MCF2L2: variants seen among roughly 807,000 people sequenced by gnomAD.
MCF2L2 encodes probable guanine nucleotide exchange factor MCF2L2.
MCF2L2 carries 102 observed loss-of-function variants against 150.2 expected under a neutral mutation model. That is an observed-to-expected ratio of 0.68 (90% CI 0.58 to 0.80). The LOEUF is 0.80. Ranked by LOEUF, MCF2L2 falls within the 30% of genes least tolerant of loss-of-function variation. The pLI is 0.00. For synonymous variants in MCF2L2, 465 were observed against 491.3 expected (o/e 0.95, Z 0.71); for missense variants, 1,256 against 1,372.8 (o/e 0.91, Z 1.34).
intron 6 of MCF2L2, 87 bp from the exon 7 acceptor site, chr3:183,318,304 T>G: frequency 6.9e-7 from 1 of 1,444,778 alleles, no homozygotes; most frequent in Non-Finnish European, 9.7e-7. Context: ...ATTTAGTTGA[T>G]AAAATTAGTG....
chr3:183,370,446 C>A (rs1712803023), intron 3 of MCF2L2, among the ~76,000 whole-genome samples: 1 of 152,244 alleles, frequency 6.6e-6, no homozygotes, highest in Non-Finnish European at 1.5e-5. Flanking sequence ...CCACTAAGAC[C>A]AAATTCCAGA....
intron 13 of MCF2L2, among the ~76,000 whole-genome samples, chr3:183,289,797 G>A (rs1160983876): frequency 3.3e-5 from 5 of 152,076 alleles, no homozygotes; most frequent in African/African-American, 9.7e-5. Context: ...CGGAGGTTGC[G>A]GTGAGCTGAG....
chr3:183,291,117 C>G (rs1042853177), intron 13 of MCF2L2, among the ~76,000 whole-genome samples: 144 of 152,304 alleles, frequency 9.5e-4, no homozygotes, highest in African/African-American at 3.3e-3. Context: ...TTGGGCTCCT[C>G]CCTCTCTGTG....
At chr3:183,202,945 A>G (rs1722342457) in intron 25 of MCF2L2, among the ~76,000 whole-genome samples, 1 of 152,380 alleles carries the variant, frequency 6.6e-6, no homozygotes, top group South Asian at 2.1e-4. Context: ...GCAGTGGCTC[A>G]TGCCTGTAAT....
intron 15 of MCF2L2, among the ~76,000 whole-genome samples, chr3:183,275,919 C>G (rs1003383758): frequency 2.0e-5 from 3 of 151,942 alleles, no homozygotes; most frequent in African/African-American, 4.9e-5. Context: ...AGCCACCACA[C>G]CTGGCCTGTT....
Position 183,257,958 on chromosome 3 carries a change from C to CTTTTTT in MCF2L2, c.1862+18908_1862+18913dup, listed in dbSNP as rs35323502. On this transcript the variant is annotated intron_variant, in intron 15 of 29. Coordinates refer to ENST00000328913, the MANE Select transcript of MCF2L2 (RefSeq NM_015078.4). The stretch of plus-strand genomic sequence containing the variant: ...TATTCCTTGCTCCCTCCACTTCACC[C>CTTTTTT]TTTTTTTTTTTTTTTTTTTTTTTTT... Among the ~76,000 whole-genome samples the CTTTTTT allele has an allele frequency of 4.2e-3, 272 of 64,742 alleles. 50 individuals carry two copies. The highest frequency in any genetic ancestry group is 0.016 in the African/African-American group (232 of 14,400). The allele number at this position is 64,742 out of a possible 152,430, so 42.5% of individuals were successfully genotyped here.
chr3:183,217,294 CAAAAAAAA>C (rs35973262), intron 21 of MCF2L2, among the ~76,000 whole-genome samples: 1 of 15,182 alleles, frequency 6.6e-5, no homozygotes, highest in Non-Finnish European at 1.2e-4. Context: ...AACCCCGTCT[CAAAAAAAA>C]AAAAAAAAAA....
chr3:183,213,825 C>T (rs1722820068), intron 22 of MCF2L2, among the ~76,000 whole-genome samples: 1 of 152,136 alleles, frequency 6.6e-6, no homozygotes, highest in African/African-American at 2.4e-5. Context: ...ATCTACTCCT[C>T]CATAATTCAA....
chr3:183,311,881 A>G (rs967433834), intron 7 of MCF2L2, 109 bp from the exon 8 acceptor site: 1 of 951,428 alleles, frequency 1.1e-6, no homozygotes, highest in African/African-American at 1.7e-5. Context: ...TAGGAAATTA[A>G]ATGCTGATGA....
intron 15 of MCF2L2, among the ~76,000 whole-genome samples, chr3:183,275,365 A>G (rs1294069523): frequency 6.6e-6 from 1 of 152,228 alleles, no homozygotes; most frequent in Admixed American, 6.5e-5. Context: ...GAATAAGGAA[A>G]TACAGATTAA....
intron 1 of MCF2L2, among the ~76,000 whole-genome samples, chr3:183,403,582 C>T (rs1477401033): frequency 6.6e-6 from 1 of 152,160 alleles, no homozygotes; most frequent in African/African-American, 2.4e-5. Flanking sequence ...GGGGCTGGCA[C>T]CTTTGTGGAT....
chr3:183,280,908 A>G (rs1348124086), intron 14 of MCF2L2, among the ~76,000 whole-genome samples: 2 of 151,844 alleles, frequency 1.3e-5, no homozygotes, highest in African/African-American at 2.4e-5. Context: ...CTGGTAATTT[A>G]AGGTGAAAGT....
Position 183,389,784 on chromosome 3 carries a change from A to G in MCF2L2, c.77-5T>C, listed in dbSNP as rs781296127. 1.2e-6 allele frequency: 2 copies of G among 1,608,722 alleles called. No homozygotes were observed. Among genetic ancestry groups the G allele is most frequent in the Non-Finnish European group, 1.7e-6 (2 of 1,175,048 alleles). On this transcript the variant is annotated splice_region_variant and splice_polypyrimidine_tract_variant and intron_variant, in intron 1 of 29. Transcript: ENST00000328913. ...CTTCCTGCTGCATAATTTCATCTGC[A>G]CAAATGAAATACAAAGTGGGTTAGT...
At chr3:183,352,556 A>T (rs1292493207) in intron 3 of MCF2L2, among the ~76,000 whole-genome samples, 1 of 152,180 alleles carries the variant, frequency 6.6e-6, no homozygotes, top group Admixed American at 6.5e-5. Context: ...CTGAGACTCT[A>T]ATGTTTTCTG....
At chr3:183,357,845 T>C (rs1270392843) in intron 3 of MCF2L2, among the ~76,000 whole-genome samples, 4 of 138,808 alleles carry the variant, frequency 2.9e-5, no homozygotes, top group Non-Finnish European at 6.1e-5. Context: ...TTTTTCAAAA[T>C]GTCCAGAAAA....
intron 3 of MCF2L2, chr3:183,376,655 C>T (rs1362656482): frequency 6.6e-6 from 1 of 152,138 alleles, no homozygotes; most frequent in South Asian, 2.1e-4. Context: ...AGAGTTAAAT[C>T]GACAAAACAC....
intron 3 of MCF2L2, chr3:183,376,696 T>C (rs1713206689): frequency 6.6e-6 from 1 of 152,232 alleles, no homozygotes; most frequent in Admixed American, 6.5e-5. Context: ...TAGACATTTA[T>C]TCATAAATGT....
chr3:183,254,222 C>G (rs1344122574), intron 15 of MCF2L2: 1 of 151,902 alleles, frequency 6.6e-6, no homozygotes, highest in Non-Finnish European at 1.5e-5. Context: ...GCGGGTGGCG[C>G]CAGGACTTCA....
intron 15 of MCF2L2, among the ~76,000 whole-genome samples, chr3:183,233,237 A>G (rs1723640760): frequency 6.6e-6 from 1 of 152,054 alleles, no homozygotes; most frequent in East Asian, 1.9e-4. Context: ...TTGTAATCCC[A>G]GCTACTTGGG....
Sources: allele counts gnomAD v4.1 joint callset (sites outside exome capture counted in the v4.1 genomes callset), GRCh38; gene constraint gnomAD v4.1.1; transcripts MANE v1.5; gene names NCBI Gene and HGNC (gene_info 2026-07-23, HGNC 2026-07-21).